Variants in SNRPA observed in about 807,000 individuals in gnomAD.
SNRPA encodes the protein small nuclear ribonucleoprotein polypeptide A.
A neutral mutation model predicts 24.5 loss-of-function variants in SNRPA; 10 were observed. The ratio of observed to expected loss-of-function variants is 0.41; its 90% CI spans 0.25 to 0.69. The LOEUF is 0.69. Among genes scored for constraint, SNRPA ranks in the 30% least tolerant of loss-of-function variants. The probability of loss-of-function intolerance (pLI) is 0.33; values close to 1 mark genes in which losing one functional copy is unlikely to be tolerated. For missense variants in SNRPA, 283 were observed against 394.7 expected, an observed-to-expected ratio of 0.72 and a Z score of 2.40; for synonymous variants, 165 against 148.4, an observed-to-expected ratio of 1.11 and a Z score of -0.81.
At chr19:40,757,270 C>A in intron 1 of SNRPA, 62 bp from the exon 2 acceptor site, 2 of 1,534,002 alleles carry the variant, frequency 1.3e-6, no homozygotes, top group Non-Finnish European at 1.8e-6. Flanking sequence ...TGATGGTCTT[C>A]TATTTGGGCT....
At chr19:40,759,348 C>A in intron 2 of SNRPA, 83 bp from the exon 3 acceptor site, 2 of 1,346,114 alleles carry the variant, frequency 1.5e-6, no homozygotes, top group Non-Finnish European at 1.0e-6. Flanking sequence ...CAGCACCTGG[C>A]CCCTGATAAA....
chr19:40,751,552 C>G lies in SNRPA; in HGVS notation c.73+71C>G, dbSNP rs2082863518. On this transcript the variant is annotated intron_variant, in intron 1 of 5. Transcript: ENST00000243563. ...TGGCCCCTCTTCCGTCCCCTGCACC[C>G]GCCTCTCTTTCTAAGTGTTTGTCCA... is the stretch of plus-strand genomic sequence containing the variant. 3 of 1,103,072 alleles carry G rather than the reference C, an allele frequency of 2.7e-6. No homozygotes were observed. In the South Asian group the frequency reaches 3.7e-5, roughly 14 times the overall value. The allele number at this position is 1,103,072 out of a possible 1,614,324, so 68.3% of individuals were successfully genotyped here. A position where few individuals can be genotyped will look rare whatever the true frequency, so the allele number is the denominator to read the frequency against.
intron 1 of SNRPA, among the ~76,000 whole-genome samples, chr19:40,754,648 G>GC (rs1467842112): frequency 6.6e-6 from 1 of 152,182 alleles, no homozygotes; most frequent in African/African-American, 2.4e-5. Context: ...AAAGAGCCTG[G>GC]CGTATTCTGA....
At chr19:40,763,984 A>G (rs1323320526) in intron 5 of SNRPA, among the ~76,000 whole-genome samples, 2 of 152,218 alleles carry the variant, frequency 1.3e-5, no homozygotes, top group Non-Finnish European at 2.9e-5. Flanking sequence ...ATGCAAGGCA[A>G]GGTATGTGTA....
At chr19:40,751,996 A>G (rs1055300380) in intron 1 of SNRPA, among the ~76,000 whole-genome samples, 1 of 152,176 alleles carries the variant, frequency 6.6e-6, no homozygotes, top group Non-Finnish European at 1.5e-5. Context: ...TAATTCTCAC[A>G]ACAATCTTGT....
Position 40,753,903 on chromosome 19 carries a change from G to A in SNRPA, c.73+2422G>A, listed in dbSNP as rs184606620. Among the ~76,000 whole-genome samples the A allele has an allele frequency of 2.0e-3, 299 of 150,838 alleles. 1 individual carries two copies. Among genetic ancestry groups the A allele is most frequent in the African/African-American group, 6.9e-3 (282 of 40,994 alleles). On this transcript the variant is annotated intron_variant, in intron 1 of 5. Coordinates refer to ENST00000243563, the MANE Select transcript of SNRPA (RefSeq NM_004596.5). ...GCTCTGCCTTGCCTCCTGGGTTCAC[G>A]CCATTCTCCTGCCTCAGCCTCCCGA...
In SNRPA at chr19:40,759,416, C is replaced by T; in HGVS notation, c.247-15C>T. 6.2e-7 allele frequency: 1 copy of T among 1,604,822 alleles called. No homozygotes were observed. The highest frequency in any genetic ancestry group is 8.5e-7 in the Non-Finnish European group (1 of 1,175,478). ...GAATCCACGCTCTTAACCCGTTCTG[C>T]TCTCTGTTTGGTAGCGTATCCAGTA... On this transcript the variant is annotated splice_polypyrimidine_tract_variant and intron_variant, in intron 2 of 5. Coordinates refer to ENST00000243563, the MANE Select transcript of SNRPA (RefSeq NM_004596.5).
chr19:40,751,569 G>GT, intron 1 of SNRPA, 88 bp downstream of exon 1: 1 of 1,003,602 alleles, frequency 1.0e-6, no homozygotes, highest in South Asian at 1.3e-5. Flanking sequence ...CTTTCTAAGT[G>GT]TTTGTCCAGC....
chr19:40,761,494 C>G (rs2082932692), intron 3 of SNRPA, among the ~76,000 whole-genome samples: 1 of 106,024 alleles, frequency 9.4e-6, no homozygotes, highest in African/African-American at 3.5e-5. Flanking sequence ...TGAGACAGAG[C>G]CTCGCTCTGT....
intron 5 of SNRPA, among the ~76,000 whole-genome samples, chr19:40,764,126 G>A (rs4802089): frequency 1.3e-5 from 2 of 152,334 alleles, no homozygotes; most frequent in South Asian, 2.1e-4. Flanking sequence ...CGGTGCAGCC[G>A]ATGTGTAGAG....
chr19:40,753,384 GTTTTTTTTTTTTTTT>G (rs746525368), intron 1 of SNRPA, among the ~76,000 whole-genome samples: 4 of 38,382 alleles, frequency 1.0e-4, no homozygotes, highest in Non-Finnish European at 1.3e-4. Context: ...TTTTGCATAT[GTTTTTTTTTTTTTTT>G]TTTTTTTTTT....
At chr19:40,756,140 G>A (rs890636768) in intron 1 of SNRPA, among the ~76,000 whole-genome samples, 5 of 151,976 alleles carry the variant, frequency 3.3e-5, no homozygotes, top group Admixed American at 2.6e-4. Context: ...GTCGTGCTGC[G>A]TGCCTATGGT....
intron 3 of SNRPA, among the ~76,000 whole-genome samples, chr19:40,760,873 A>G (rs1210983735): frequency 6.6e-6 from 1 of 152,246 alleles, no homozygotes; most frequent in Non-Finnish European, 1.5e-5. Flanking sequence ...CTGGAGGTCA[A>G]GGCTGCAGTG....
rs779275337 is a variant in SNRPA at position 40,765,182 on chromosome 19, A to G, written c.*15A>G. 24 of 1,497,350 alleles carry G rather than the reference A, an allele frequency of 1.6e-5. No homozygotes were observed. The highest frequency in any genetic ancestry group is 1.9e-5 in the Non-Finnish European group (21 of 1,118,814). The allele number at this position is 1,497,350 out of a possible 1,614,324, so 92.8% of individuals were successfully genotyped here. The stretch of plus-strand genomic sequence containing the variant: ...CCAAGAAGTAGCACCTTTTCCCCCC[A>G]TGCCTGCCCCTTCCCCTGTTCTGGG... On this transcript the variant is annotated 3_prime_UTR_variant, in exon 6 of 6. Coordinates refer to ENST00000243563, the MANE Select transcript of SNRPA (RefSeq NM_004596.5).
At chr19:40,756,673 T>C (rs989543646) in intron 1 of SNRPA, among the ~76,000 whole-genome samples, 3 of 151,750 alleles carry the variant, frequency 2.0e-5, no homozygotes, top group Admixed American at 6.6e-5. Flanking sequence ...GACAGGCTTA[T>C]AGCTCCTCAG....
rs1235440728 is a variant in SNRPA, at chr19:40,761,474, TTTTTTTTTTTG to T, written c.427-1426_427-1416del. Among the ~76,000 whole-genome samples, 590 of 122,984 alleles carry T rather than the reference TTTTTTTTTTTG, an allele frequency of 4.8e-3. 1 individual carries two copies. The highest frequency in any genetic ancestry group is 0.016 in the African/African-American group (519 of 32,138). The allele number at this position is 122,984 out of a possible 152,430, so 80.7% of individuals were successfully genotyped here. On this transcript the variant is annotated intron_variant, in intron 3 of 5. Transcript: ENST00000243563. Reference sequence around the variant, plus strand: ...TTTCTTTTTCTTTTTTTTTTTTTTTTTTTTTTTTTTGAGACAGAGCCTCGCTCTGTAGTCCA... The same window carrying T: ...TTTCTTTTTCTTTTTTTTTTTTTTTTAGACAGAGCCTCGCTCTGTAGTCCA...
intron 5 of SNRPA, among the ~76,000 whole-genome samples, chr19:40,764,229 G>A (rs975973535): frequency 2.0e-5 from 3 of 152,154 alleles, no homozygotes; most frequent in Admixed American, 2.0e-4. Flanking sequence ...ATTCGTCAGT[G>A]TTTGTGGTGG....
intron 3 of SNRPA, among the ~76,000 whole-genome samples, chr19:40,762,681 C>A (rs1048543222): frequency 6.6e-6 from 1 of 152,142 alleles, no homozygotes; most frequent in African/African-American, 2.4e-5. Flanking sequence ...CTCAAGTGAT[C>A]CTCCTACCTC....
chr19:40,762,715 C>T (rs2082937923), intron 3 of SNRPA, among the ~76,000 whole-genome samples, 186 bp from the exon 4 acceptor site: 1 of 152,212 alleles, frequency 6.6e-6, no homozygotes, highest in African/African-American at 2.4e-5. Flanking sequence ...GCATTTAACT[C>T]TTTCTGATTT....
Sources: allele counts gnomAD v4.1 joint callset (sites outside exome capture counted in the v4.1 genomes callset), GRCh38; gene constraint gnomAD v4.1.1; transcripts MANE v1.5; gene names NCBI Gene and HGNC (gene_info 2026-07-23, HGNC 2026-07-21).